ZFHX3: variants seen among roughly 807,000 people sequenced by gnomAD.
ZFHX3 encodes the protein zinc finger homeobox protein 3.
ZFHX3 carries 42 observed loss-of-function variants against 279.1 expected under a neutral mutation model. The observed-to-expected ratio is 0.15, with a 90% confidence interval of 0.12 to 0.19. The LOEUF (loss-of-function observed/expected upper bound fraction) is 0.19, where lower values mean the gene tolerates loss of function less well. Among genes scored for constraint, ZFHX3 ranks in the 10% least tolerant of loss-of-function variants. The probability of loss-of-function intolerance (pLI) is 1.00; values close to 1 mark genes in which losing one functional copy is unlikely to be tolerated. For missense variants in ZFHX3, 4,981 were observed against 4,754.0 expected (o/e 1.05, Z -1.40); for synonymous variants, 2,293 against 1,957.8 (o/e 1.17, Z -4.52).
At chr16:73,230,387 T>G (rs2012735593) in intron 5 of ZFHX3, among the ~76,000 whole-genome samples, 1 of 152,152 alleles carries the variant, frequency 6.6e-6, no homozygotes, top group Non-Finnish European at 1.5e-5. Context: ...GGCAGAAAAT[T>G]AGTCAGTCTC....
intron 5 of ZFHX3, among the ~76,000 whole-genome samples, chr16:73,150,962 A>T (rs1966926604): frequency 6.6e-6 from 1 of 152,220 alleles, no homozygotes; most frequent in Admixed American, 6.5e-5. Flanking sequence ...CTCAAACAAA[A>T]ACAAAACAGG....
chr16:73,468,983 G>A (rs1296537183), intron 2 of ZFHX3, among the ~76,000 whole-genome samples: 4 of 152,226 alleles, frequency 2.6e-5, no homozygotes. Flanking sequence ...AATTTAACAA[G>A]CAAAGTTGTA....
chr16:73,367,561 C>T (rs1233339911), intron 3 of ZFHX3, among the ~76,000 whole-genome samples: 1 of 152,094 alleles, frequency 6.6e-6, no homozygotes, highest in Non-Finnish European at 1.5e-5. Context: ...GGCCACCTCC[C>T]ACATGCTTGG....
chr16:73,070,707 A>ATT (rs1567656913), intron 8 of ZFHX3, among the ~76,000 whole-genome samples: 1 of 140,950 alleles, frequency 7.1e-6, no homozygotes, highest in African/African-American at 2.6e-5. Context: ...TGCTGACATC[A>ATT]TTGTCTCTCT....
At chr16:72,935,114 C>G (rs748614595) in intron 3 of ZFHX3, among the ~76,000 whole-genome samples, 3 of 152,168 alleles carry the variant, frequency 2.0e-5, no homozygotes, top group Non-Finnish European at 4.4e-5. Context: ...AAATGCATTT[C>G]TTTTTAGATT....
At chr16:73,707,948 T>C (rs2053320983) in intron 1 of ZFHX3, among the ~76,000 whole-genome samples, 1 of 152,052 alleles carries the variant, frequency 6.6e-6, no homozygotes, top group African/African-American at 2.4e-5. Flanking sequence ...AAACTTTTTA[T>C]ATTATAGAAA....
chr16:73,524,057 G>C (rs1243198055), intron 2 of ZFHX3, among the ~76,000 whole-genome samples: 1 of 152,180 alleles, frequency 6.6e-6, no homozygotes, highest in Non-Finnish European at 1.5e-5. Context: ...AGGAACCATA[G>C]TAAGGGGTTG....
intron 4 of ZFHX3, among the ~76,000 whole-genome samples, chr16:72,884,808 T>C (rs1489096777): frequency 6.6e-6 from 1 of 152,166 alleles, no homozygotes; most frequent in African/African-American, 2.4e-5. Context: ...AGCTCTCCAT[T>C]TTTCAAGAGC....
chr16:72,815,286 T>G (rs2036573672), intron 5 of ZFHX3, among the ~76,000 whole-genome samples: 1 of 152,010 alleles, frequency 6.6e-6, no homozygotes, highest in East Asian at 1.9e-4. Context: ...CAAGTGCTTA[T>G]AGTCCTAGCT....
chr16:73,341,334 C>T (rs1417687353), intron 3 of ZFHX3, among the ~76,000 whole-genome samples: 1 of 151,822 alleles, frequency 6.6e-6, no homozygotes, highest in Non-Finnish European at 1.5e-5. Context: ...GAGCAAGACT[C>T]CATCTCAAAA....
At position 72,898,168 on chromosome 16, in the gene ZFHX3, G is replaced by T. The variant is rs186578238; in HGVS notation, c.3217-8206C>A. Among the ~76,000 whole-genome samples, 26 of 152,248 alleles carry T rather than the reference G, an allele frequency of 1.7e-4. 1 individual carries two copies. The East Asian group carries it at 4.8e-3, about 28-fold the overall frequency. On this transcript the variant is annotated intron_variant, in intron 3 of 9. Transcript: ENST00000268489. ...TCTGTTCAATGCTGGCTTTTTATCT[G>T]CTCAAGCTCTCGTCCTTGACGCATG...
At chr16:73,391,313 G>A (rs1361965628) in intron 3 of ZFHX3, among the ~76,000 whole-genome samples, 1 of 151,996 alleles carries the variant, frequency 6.6e-6, no homozygotes, top group African/African-American at 2.4e-5. Flanking sequence ...AAATTAGCCA[G>A]CCATGGTGAT....
intron 2 of ZFHX3, among the ~76,000 whole-genome samples, chr16:73,458,238 C>T (rs959181702): frequency 6.6e-6 from 1 of 152,092 alleles, no homozygotes; most frequent in African/African-American, 2.4e-5. Context: ...TGCCAAGACA[C>T]CCAAGTAGAA....
At chr16:72,848,808 C>T (rs1016494201) in intron 4 of ZFHX3, among the ~76,000 whole-genome samples, 1 of 152,088 alleles carries the variant, frequency 6.6e-6, no homozygotes, top group African/African-American at 2.4e-5. Flanking sequence ...TACCTTCTTC[C>T]TCCCTCTTTC....
intron 1 of ZFHX3, among the ~76,000 whole-genome samples, chr16:73,012,792 T>C (rs1162970862): frequency 1.3e-5 from 2 of 152,198 alleles, no homozygotes; most frequent in African/African-American, 4.8e-5. Context: ...GTTAAGATCC[T>C]TGCCCAGAAC....
At chr16:73,608,829 C>A (rs748329230) in intron 2 of ZFHX3, 59 of 152,124 alleles carry the variant, frequency 3.9e-4, no homozygotes, top group Admixed American at 2.4e-3. Context: ...TTTAAAAAAA[C>A]AACAACCTTT....
intron 2 of ZFHX3, among the ~76,000 whole-genome samples, chr16:73,467,306 C>T (rs548296891): frequency 4.2e-4 from 64 of 152,084 alleles, no homozygotes; most frequent in Non-Finnish European, 8.4e-4. Context: ...TTGCCACTTC[C>T]ATTAACTGCC....
intron 3 of ZFHX3, among the ~76,000 whole-genome samples, chr16:73,439,505 T>C (rs928214562): frequency 6.6e-6 from 1 of 152,102 alleles, no homozygotes; most frequent in South Asian, 2.1e-4. Context: ...ATGCATACTA[T>C]GCATGAGGGA....
At chr16:73,053,372 A>G (rs1965484084) in intron 1 of ZFHX3, among the ~76,000 whole-genome samples, 1 of 152,156 alleles carries the variant, frequency 6.6e-6, no homozygotes, top group African/African-American at 2.4e-5. Flanking sequence ...CTGCGGGGGC[A>G]AGGCCTTGAA....
Sources: allele counts gnomAD v4.1 joint callset (sites outside exome capture counted in the v4.1 genomes callset), GRCh38; gene constraint gnomAD v4.1.1; transcripts MANE v1.5; gene names NCBI Gene and HGNC (gene_info 2026-07-23, HGNC 2026-07-21).